The following WDR27 variants were observed in gnomAD, a reference collection of about 807,000 sequenced individuals.
WDR27 encodes WD repeat-containing protein 27.
WDR27 carries 100 observed loss-of-function variants against 114.4 expected under a neutral mutation model. The observed-to-expected ratio is 0.87, with a 90% confidence interval of 0.74 to 1.03. The LOEUF is 1.03. Among genes scored for constraint, WDR27 ranks in the 50% least tolerant of loss-of-function variants. WDR27 has a pLI of 0.00. For missense variants in WDR27, 1,129 were observed against 1,092.9 expected (o/e 1.03, Z -0.47); for synonymous variants, 449 against 423.1 (o/e 1.06, Z -0.75).
chr6:169,604,660 A>G, intron 22 of WDR27, among the ~76,000 whole-genome samples: 1 of 152,154 alleles, frequency 6.6e-6, no homozygotes, highest in East Asian at 1.9e-4. Context: ...AGAAAACTGC[A>G]GTCCAAGATC....
chr6:169,672,300 CATA>C lies in WDR27; in HGVS notation c.283_285del (p.Tyr95del). On this transcript the variant is annotated inframe_deletion, in exon 3 of 26. Transcript: ENST00000448612. ...CATTCATCCAGGTTCCACATTATAA[CATA>C]ATCCAGTGATGCTGAGCAGATTAGA... The C allele has an allele frequency of 6.2e-7, 1 of 1,613,788 alleles. No homozygotes were observed. Among genetic ancestry groups the C allele is most frequent in the Non-Finnish European group, 8.5e-7 (1 of 1,179,758 alleles).
chr6:169,622,461 G>A (rs998965558), intron 21 of WDR27, among the ~76,000 whole-genome samples: 1 of 152,100 alleles, frequency 6.6e-6, no homozygotes, highest in Non-Finnish European at 1.5e-5. Flanking sequence ...CTGCTATTAG[G>A]AACAGGTATT....
At chr6:169,431,547 GATT>G in the WDR27 span, among the ~76,000 whole-genome samples, 1 of 152,110 alleles carries the variant, frequency 6.6e-6, no homozygotes, top group African/African-American at 2.4e-5. Flanking sequence ...TTCCCCTCCT[GATT>G]ATAAGCCTCC....
intron 16 of WDR27, among the ~76,000 whole-genome samples, chr6:169,646,815 A>G (rs1021341355): frequency 6.6e-6 from 1 of 152,214 alleles, no homozygotes; most frequent in Non-Finnish European, 1.5e-5. Flanking sequence ...TTGAGGGCAG[A>G]TAACACTGAA....
rs113017864 is a variant in WDR27 at position 169,462,133 on chromosome 6, C to CAA, written c.2646-4501_2646-4500dup. Among the ~76,000 whole-genome samples, 12 of 140,192 alleles carry CAA rather than the reference C, an allele frequency of 8.6e-5. No individual in the cohort carries two copies. In the East Asian group the frequency reaches 1.4e-3, roughly 17 times the overall value. The allele number at this position is 140,192 out of a possible 152,430, so 92.0% of individuals were successfully genotyped here. On this transcript the variant is annotated intron_variant, in intron 25 of 25. Transcript: ENST00000448612. ...CTGGTGAGGAAATTGAATCAGTAACCAAAAAAAAAAAACTCCTGATAAAGA... is the reference window on the plus strand; with the variant it reads ...CTGGTGAGGAAATTGAATCAGTAACCAAAAAAAAAAAAAACTCCTGATAAAGA...
chr6:169,518,790 G>A (rs1583927991), intron 25 of WDR27, among the ~76,000 whole-genome samples: 2 of 152,308 alleles, frequency 1.3e-5, no homozygotes, highest in East Asian at 3.9e-4. Context: ...TCTGCCACAT[G>A]GCCAGGCTGC....
intron 22 of WDR27, among the ~76,000 whole-genome samples, chr6:169,605,673 C>T (rs1413674619): frequency 6.7e-6 from 1 of 148,314 alleles, no homozygotes; most frequent in African/African-American, 2.5e-5. Flanking sequence ...ATAAAAAGAA[C>T]AAAGCTGGAG....
chr6:169,449,836 C>T, the WDR27 span, among the ~76,000 whole-genome samples: 49 of 152,300 alleles, frequency 3.2e-4, no homozygotes, highest in African/African-American at 1.2e-3. Flanking sequence ...TGGAAACTAA[C>T]TAGGCCTTCT....
intron 24 of WDR27, among the ~76,000 whole-genome samples, chr6:169,577,086 G>GAAA (rs111868145): frequency 0.24 from 34,273 of 144,356 alleles, 4,920 homozygotes; most frequent in African/African-American, 0.42. Flanking sequence ...AAAAGAAAAG[G>GAAA]AAAAAAAAAA....
rs867963211 is a variant in WDR27, at chr6:169,632,945, A to G, written c.2223+2T>C. On this transcript the variant is annotated splice_donor_variant, in intron 21 of 25. Transcript: ENST00000448612. LOFTEE classifies it high-confidence loss of function. ...ATACATGTTATCCAAAAACTTACTC[A>G]CTTTATTTTGGCAGATTTGATGGAC... The G allele has an allele frequency of 1.5e-5, 23 of 1,576,612 alleles. No individual in the cohort carries two copies. Among genetic ancestry groups the G allele is most frequent in the Non-Finnish European group, 1.9e-5 (22 of 1,151,940 alleles).
chr6:169,487,971 T>C (rs906338512), intron 25 of WDR27, among the ~76,000 whole-genome samples: 2 of 152,188 alleles, frequency 1.3e-5, no homozygotes, highest in African/African-American at 4.8e-5. Context: ...ACTCTCTCTA[T>C]TCCCCTCTGA....
At chr6:169,662,851 G>A (rs530486100) in intron 8 of WDR27, among the ~76,000 whole-genome samples, 1 of 136,876 alleles carries the variant, frequency 7.3e-6, no homozygotes, top group South Asian at 2.5e-4. Context: ...AGCATGACGC[G>A]TGTGCACCGC....
intron 25 of WDR27, among the ~76,000 whole-genome samples, chr6:169,482,393 G>A (rs1788290654): frequency 1.3e-5 from 2 of 152,140 alleles, no homozygotes; most frequent in African/African-American, 2.4e-5. Context: ...CACAATGGTT[G>A]AACTAATTTT....
At chr6:169,481,919 C>G (rs1053811259) in intron 25 of WDR27, among the ~76,000 whole-genome samples, 1 of 152,228 alleles carries the variant, frequency 6.6e-6, no homozygotes, top group African/African-American at 2.4e-5. Flanking sequence ...TGAAGTCAGG[C>G]AGACCAAGAA....
intron 25 of WDR27, among the ~76,000 whole-genome samples, chr6:169,470,376 C>T (rs1786200410): frequency 6.6e-6 from 1 of 152,264 alleles, no homozygotes; most frequent in African/African-American, 2.4e-5. Flanking sequence ...CATCACCTTT[C>T]AATGGCACTT....
At chr6:169,591,192 G>A (rs1030854811) in intron 23 of WDR27, among the ~76,000 whole-genome samples, 24 of 152,094 alleles carry the variant, frequency 1.6e-4, no homozygotes, top group Admixed American at 1.2e-3. Flanking sequence ...ATATGGTTTT[G>A]ACTTGCATTT....
In WDR27 at chr6:169,590,442, A is replaced by T. The variant is rs183437123; in HGVS notation, c.2425-7508T>A. 2.3e-4 allele frequency among the ~76,000 whole-genome samples: 35 copies of T among 152,376 alleles called. No individual in the cohort carries two copies. The East Asian group carries it at 4.0e-3, about 18-fold the overall frequency. ...TGAATTTTTAGTTTATAAAAAAGTA[A>T]ACTATTCTCAGAAGACCAAAACGTG... is the stretch of plus-strand genomic sequence containing the variant. On this transcript the variant is annotated intron_variant, in intron 23 of 25. Coordinates refer to ENST00000448612, the MANE Select transcript of WDR27 (RefSeq NM_182552.5).
At chr6:169,506,695 A>C (rs891444236) in intron 25 of WDR27, among the ~76,000 whole-genome samples, 13 of 152,338 alleles carry the variant, frequency 8.5e-5, no homozygotes, top group African/African-American at 3.1e-4. Flanking sequence ...CTTTGCAGTA[A>C]ATATATAGTA....
At chr6:169,566,743 A>G (rs1035501997) in intron 25 of WDR27, among the ~76,000 whole-genome samples, 6 of 152,118 alleles carry the variant, frequency 3.9e-5, no homozygotes, top group Non-Finnish European at 7.4e-5. Flanking sequence ...AACGCTTTCT[A>G]AAAAGGATAA....
Sources: gnomAD v4.1 joint callset for allele counts (sites outside exome capture counted in the v4.1 genomes callset) on GRCh38, gnomAD v4.1.1 for gene constraint, MANE v1.5 for transcripts, NCBI Gene and HGNC (gene_info 2026-07-23, HGNC 2026-07-21) for gene names.